LINGO2: variants seen among roughly 807,000 people sequenced by gnomAD.
LINGO2 encodes leucine rich repeat and Ig domain containing 2.
In LINGO2, 14 loss-of-function variants were observed where a neutral mutation model predicts 30.6. The observed-to-expected ratio is 0.46, with a 90% CI of 0.30 to 0.72. The LOEUF is 0.72. Ranked by LOEUF, LINGO2 falls within the 30% of genes least tolerant of loss-of-function variation. The pLI, the probability that LINGO2 is intolerant of heterozygous loss-of-function variation, is 0.07. For missense variants in LINGO2, 729 were observed against 751.7 expected, an observed-to-expected ratio of 0.97 and a Z score of 0.35; for synonymous variants, 317 against 288.5, an observed-to-expected ratio of 1.10 and a Z score of -1.00.
At chr9:28,242,472 T>C (rs1445894667) in intron 4 of LINGO2, among the ~76,000 whole-genome samples, 2 of 151,914 alleles carry the variant, frequency 1.3e-5, no homozygotes, top group African/African-American at 4.8e-5. Context: ...TATGGGCCTA[T>C]GTAAAAAGAC....
chr9:28,691,286 T>C, the LINGO2 span, among the ~76,000 whole-genome samples: 2 of 152,170 alleles, frequency 1.3e-5, no homozygotes, highest in African/African-American at 4.8e-5. Context: ...CATCCTCAAA[T>C]CACATATAAA....
At chr9:29,197,754 G>A in the LINGO2 span, among the ~76,000 whole-genome samples, 4 of 152,084 alleles carry the variant, frequency 2.6e-5, no homozygotes, top group South Asian at 4.1e-4. Flanking sequence ...TACTTATAAC[G>A]TAATCAATCA....
intron 5 of LINGO2, among the ~76,000 whole-genome samples, chr9:28,005,086 G>A (rs889157545): frequency 6.6e-6 from 1 of 152,280 alleles, no homozygotes; most frequent in East Asian, 1.9e-4. Context: ...GGATACAGTT[G>A]TTTCCTTCCC....
At position 28,148,099 on chromosome 9, in the gene LINGO2, C is replaced by T. The variant is rs535449501; in HGVS notation, c.-86-135694G>A. 2.8e-4 allele frequency: 314 copies of T among 1,119,610 alleles called. No homozygotes were observed. Among genetic ancestry groups the T allele is most frequent in the Middle Eastern group, 2.4e-3 (7 of 2,896 alleles). 69.4% of individuals were successfully genotyped at this position (1,119,610 alleles called of 1,614,324 possible). The stretch of plus-strand genomic sequence containing the variant: ...CCTTCCCAGCTGGCCGGGCTAACCC[C>T]GCGGCTCCTGCACCTGTGCCTGCCC... On this transcript the variant is annotated intron_variant, in intron 4 of 5. Transcript: ENST00000379992. This position sits in a 1 kb window ranked among gnomAD's most constrained non-coding sequence, Gnocchi z 5.1.
At chr9:28,823,805 T>C in the LINGO2 span, among the ~76,000 whole-genome samples, 1 of 152,180 alleles carries the variant, frequency 6.6e-6, no homozygotes, top group Non-Finnish European at 1.5e-5. Flanking sequence ...TGTTATTTTT[T>C]AAAAGGCCCT....
intron 1 of LINGO2, among the ~76,000 whole-genome samples, chr9:28,663,299 T>G (rs1245602822): frequency 6.6e-6 from 1 of 152,056 alleles, no homozygotes; most frequent in Non-Finnish European, 1.5e-5. Context: ...GCCTCCTGAG[T>G]AGCTGGGACT....
the LINGO2 span, among the ~76,000 whole-genome samples, chr9:29,044,074 C>T: frequency 6.6e-6 from 1 of 151,934 alleles, no homozygotes; most frequent in Non-Finnish European, 1.5e-5. Flanking sequence ...GGAGTGGGGA[C>T]TTTAATAGCT....
intron 4 of LINGO2, among the ~76,000 whole-genome samples, chr9:28,207,411 G>T (rs980484271): frequency 6.6e-6 from 1 of 152,024 alleles, no homozygotes; most frequent in African/African-American, 2.4e-5. Context: ...ATTTTAGACA[G>T]GCTAATTAAT....
chr9:28,828,965 T>A, the LINGO2 span, among the ~76,000 whole-genome samples: 4 of 152,180 alleles, frequency 2.6e-5, no homozygotes, highest in African/African-American at 9.7e-5. Flanking sequence ...AGCCTGCAAC[T>A]GTGGCCCAAA....
chr9:28,022,896 G>A (rs1007212675), intron 4 of LINGO2, among the ~76,000 whole-genome samples: 9 of 147,268 alleles, frequency 6.1e-5, no homozygotes, highest in African/African-American at 2.2e-4. Flanking sequence ...TTCAGTTTGG[G>A]AGGCTTCTAT....
At chr9:28,682,221 G>C in the LINGO2 span, among the ~76,000 whole-genome samples, 1 of 152,138 alleles carries the variant, frequency 6.6e-6, no homozygotes, top group Non-Finnish European at 1.5e-5. Flanking sequence ...TCAGTCACTT[G>C]AACACTGGAG....
At chr9:28,286,214 C>G (rs1415094879) in intron 4 of LINGO2, among the ~76,000 whole-genome samples, 1 of 152,166 alleles carries the variant, frequency 6.6e-6, no homozygotes, top group Non-Finnish European at 1.5e-5. Context: ...TAATTACCAA[C>G]TGGTCTGACC....
intron 4 of LINGO2, among the ~76,000 whole-genome samples, chr9:28,015,530 G>C (rs1248308435): frequency 6.6e-6 from 1 of 152,010 alleles, no homozygotes; most frequent in African/African-American, 2.4e-5. Flanking sequence ...TAAATTCCGT[G>C]TTTGACATTG....
At chr9:28,265,708 C>T (rs1747102891) in intron 4 of LINGO2, among the ~76,000 whole-genome samples, 1 of 151,888 alleles carries the variant, frequency 6.6e-6, no homozygotes, top group African/African-American at 2.4e-5. Flanking sequence ...AAAGGGGATA[C>T]AGGAATTCTT....
At chr9:27,981,005 A>G (rs1820828248) in intron 5 of LINGO2, among the ~76,000 whole-genome samples, 1 of 151,996 alleles carries the variant, frequency 6.6e-6, no homozygotes, top group East Asian at 1.9e-4. Context: ...CAATATTGAT[A>G]TTGCTCTTTA....
intron 2 of LINGO2, 155 bp downstream of exon 4, chr9:28,475,785 A>C (rs1299174499): frequency 6.6e-6 from 1 of 152,368 alleles, no homozygotes; most frequent in African/African-American, 2.4e-5. Context: ...TTTCCCATAG[A>C]ATACTACCTC....
At chr9:28,314,100 A>C (rs1824740457) in intron 3 of LINGO2, among the ~76,000 whole-genome samples, 1 of 151,932 alleles carries the variant, frequency 6.6e-6, no homozygotes, top group South Asian at 2.1e-4. Context: ...TCGCCCGGCT[A>C]ATTTTTTGTA....
At chr9:28,381,391 A>G (rs1322199018) in intron 2 of LINGO2, among the ~76,000 whole-genome samples, 6 of 152,016 alleles carry the variant, frequency 3.9e-5, no homozygotes, top group East Asian at 1.9e-4. Flanking sequence ...ATATAATCAT[A>G]CAGTTTGGAA....
intron 1 of LINGO2, among the ~76,000 whole-genome samples, chr9:28,643,924 C>T (rs1827717287): frequency 6.6e-6 from 1 of 151,944 alleles, no homozygotes; most frequent in Non-Finnish European, 1.5e-5. Flanking sequence ...GGCAAATAGG[C>T]ATACGAAATG....
Sources: gnomAD v4.1 joint callset for allele counts (sites outside exome capture counted in the v4.1 genomes callset) on GRCh38, gnomAD v4.1.1 for gene constraint, Gnocchi (gnomAD v3.1) non-coding constraint, MANE v1.5 for transcripts, NCBI Gene and HGNC (gene_info 2026-07-23, HGNC 2026-07-21) for gene names.